The following IL7 variants were observed in gnomAD, a reference collection of about 807,000 sequenced individuals.
IL7 encodes interleukin-7.
Under a neutral mutation model 21.6 loss-of-function variants are expected in IL7, and 3 were observed. The ratio of observed to expected loss-of-function variants is 0.14; its 90% confidence interval spans 0.06 to 0.36. The LOEUF is 0.36. IL7 is among the 10% of genes least tolerant of loss of function. IL7 has a pLI of 1.00. For missense variants in IL7, 175 were observed against 200.2 expected (o/e 0.87, Z 0.76); for synonymous variants, 62 against 68.1 (o/e 0.91, Z 0.44).
chr8:78,751,902 A>G (rs1009684312), intron 2 of IL7, among the ~76,000 whole-genome samples: 6 of 152,110 alleles, frequency 3.9e-5, no homozygotes, highest in African/African-American at 1.2e-4. Context: ...CTGTTAACCA[A>G]CTTCTCCCTA....
At chr8:78,698,324 A>T in intron 3 of IL7, 1 of 1,076,666 alleles carries the variant, frequency 9.3e-7, no homozygotes, top group Non-Finnish European at 1.3e-6. Context: ...TGCAAAGATT[A>T]TTACTAAAGC....
chr8:78,701,987 T>C (rs1285054229), intron 3 of IL7, among the ~76,000 whole-genome samples: 1 of 152,206 alleles, frequency 6.6e-6, no homozygotes. Flanking sequence ...GCTGGCCTTA[T>C]AGAATGAACT....
At position 78,798,226 on chromosome 8, in the gene IL7, T is replaced by C. The variant is rs779512125; in HGVS notation, c.11-18A>G. 6.3e-7 allele frequency: 1 copy of C among 1,584,536 alleles called. No homozygotes were observed. On this transcript the variant is annotated intron_variant, in intron 1 of 5. Transcript: ENST00000263851. Reference sequence around the variant, plus strand: ...AAAAGAAACTAAATTTGACAGTAAATAAGAATGAGCTAAATGTTATATCGT... The same window carrying C: ...AAAAGAAACTAAATTTGACAGTAAACAAGAATGAGCTAAATGTTATATCGT...
downstream of IL7, chr8:78,717,653 T>A: frequency 3.0e-6 from 2 of 677,624 alleles, no homozygotes; most frequent in Non-Finnish European, 4.7e-6. Flanking sequence ...AATGTGTGTA[T>A]GTTTATATGT....
chr8:78,745,943 T>G (rs1811963572), intron 2 of IL7, among the ~76,000 whole-genome samples: 1 of 152,176 alleles, frequency 6.6e-6, no homozygotes, highest in Non-Finnish European at 1.5e-5. Context: ...CATCACCTTC[T>G]TTGTGTGGGT....
intron 2 of IL7, among the ~76,000 whole-genome samples, chr8:78,785,759 A>G (rs1256338337): frequency 1.3e-5 from 2 of 151,928 alleles, no homozygotes; most frequent in African/African-American, 4.8e-5. Context: ...AAAGTGGACC[A>G]CTCTGTGCTG....
rs570965584 is a variant in IL7, at chr8:78,746,970, C to G, written c.148-6888G>C. 8.1e-4 allele frequency: 358 copies of G among 441,124 alleles called. 1 individual carries two copies. The highest frequency in any genetic ancestry group is 1.3e-3 in the Non-Finnish European group (294 of 221,564). 27.3% of individuals were successfully genotyped at this position (441,124 alleles called of 1,614,324 possible). A position where few individuals can be genotyped will look rare whatever the true frequency, so the allele number is the denominator to read the frequency against. On this transcript the variant is annotated intron_variant, in intron 2 of 5. Coordinates refer to ENST00000263851, the MANE Select transcript of IL7 (RefSeq NM_000880.4). ...TATTTTTCTTTTCAGGAGAGAAAGTCAATATGGTTCACAGTTACTCTTCAT... is the reference window on the plus strand; with the variant it reads ...TATTTTTCTTTTCAGGAGAGAAAGTGAATATGGTTCACAGTTACTCTTCAT...
chr8:78,801,854 T>G (rs1455447671), intron 1 of IL7, among the ~76,000 whole-genome samples: 1 of 152,138 alleles, frequency 6.6e-6, no homozygotes, highest in East Asian at 1.9e-4. Flanking sequence ...ATTAATGATG[T>G]AGCTTGGTAG....
chr8:78,748,645 G>A (rs550400192), intron 2 of IL7, among the ~76,000 whole-genome samples: 1 of 152,268 alleles, frequency 6.6e-6, no homozygotes, highest in African/African-American at 2.4e-5. Context: ...TATAAATTAT[G>A]TGTTAGGTTT....
At chr8:78,731,699 G>A (rs1418540803), downstream of IL7, among the ~76,000 whole-genome samples, 2 of 151,854 alleles carry the variant, frequency 1.3e-5, no homozygotes, top group African/African-American at 4.8e-5. Context: ...ATCATTATTA[G>A]CCAACCTATC....
intron 2 of IL7, among the ~76,000 whole-genome samples, chr8:78,754,006 C>G (rs1387771296): frequency 1.3e-5 from 2 of 152,046 alleles, no homozygotes; most frequent in African/African-American, 2.4e-5. Flanking sequence ...GATGCCCTCT[C>G]TCACCACTCC....
At chr8:78,692,214 T>G (rs1332339084) in intron 3 of IL7, among the ~76,000 whole-genome samples, 1 of 152,296 alleles carries the variant, frequency 6.6e-6, no homozygotes, top group African/African-American at 2.4e-5. Flanking sequence ...CCCTTTAGCC[T>G]CTGGTACTAC....
chr8:78,772,741 A>C (rs774133409), intron 2 of IL7, among the ~76,000 whole-genome samples: 13 of 152,200 alleles, frequency 8.5e-5, no homozygotes, highest in Non-Finnish European at 1.5e-4. Flanking sequence ...TTAAACACTG[A>C]ATTAAATATG....
At chr8:78,801,426 T>C (rs1324549982) in intron 1 of IL7, among the ~76,000 whole-genome samples, 2 of 152,232 alleles carry the variant, frequency 1.3e-5, no homozygotes, top group African/African-American at 4.8e-5. Context: ...AAAAGTTGAA[T>C]AGCAATAAAA....
At chr8:78,698,686 A>G (rs1259958899) in intron 3 of IL7, among the ~76,000 whole-genome samples, 7 of 152,188 alleles carry the variant, frequency 4.6e-5, no homozygotes, top group African/African-American at 1.7e-4. Context: ...AATTTGTATA[A>G]CCATTTTAGA....
chr8:78,675,671 A>G, downstream of IL7: 1 of 956,592 alleles, frequency 1.0e-6, no homozygotes, highest in Non-Finnish European at 1.5e-6. Context: ...AAATGCAGTA[A>G]AACATTTTTC....
intron 3 of IL7, among the ~76,000 whole-genome samples, chr8:78,693,913 G>C (rs1220377130): frequency 6.6e-6 from 1 of 152,094 alleles, no homozygotes; most frequent in Non-Finnish European, 1.5e-5. Flanking sequence ...TTTTGTGTAA[G>C]GTATAAGGAA....
chr8:78,717,244 T>C (rs1476348375), downstream of IL7: 1 of 1,262,418 alleles, frequency 7.9e-7, no homozygotes, highest in South Asian at 2.0e-5. Context: ...CTAATTGTTA[T>C]ATTTATGTCC....
rs533631517 is a variant in IL7, at chr8:78,739,645, T to C, written c.228+357A>G. Among the ~76,000 whole-genome samples, 4 of 151,512 alleles carry C rather than the reference T, an allele frequency of 2.6e-5. No homozygotes were observed. In the East Asian group the frequency reaches 7.7e-4, roughly 29 times the overall value. Reference sequence around the variant, plus strand: ...AGGCGGAGTTTGCAGTGAGCTGAGATTGCGCCACTACACTCCAGCCTGGTG... The same window carrying C: ...AGGCGGAGTTTGCAGTGAGCTGAGACTGCGCCACTACACTCCAGCCTGGTG... On this transcript the variant is annotated intron_variant, in intron 3 of 5. Coordinates refer to ENST00000263851, the MANE Select transcript of IL7 (RefSeq NM_000880.4).
Sources: allele counts gnomAD v4.1 joint callset (sites outside exome capture counted in the v4.1 genomes callset), GRCh38; gene constraint gnomAD v4.1.1; transcripts MANE v1.5; gene names NCBI Gene and HGNC (gene_info 2026-07-23, HGNC 2026-07-21).